Variants in PCDH9 observed in about 807,000 individuals in gnomAD.
The protein encoded by PCDH9 is protocadherin 9.
Under a neutral mutation model 70.6 loss-of-function variants are expected in PCDH9, and 24 were observed. The ratio of observed to expected loss-of-function variants is 0.34; its 90% CI spans 0.25 to 0.48. PCDH9 has a LOEUF of 0.48. PCDH9 is among the 20% of genes least tolerant of loss of function. The pLI, the probability that PCDH9 is intolerant of heterozygous loss-of-function variation, is 0.99. For synonymous variants in PCDH9, 562 were observed against 558.5 expected (o/e 1.01, Z -0.09); for missense variants, 1,281 against 1,503.6 (o/e 0.85, Z 2.45).
chr13:67,115,657 AATTG>A (rs1374897328), intron 2 of PCDH9, among the ~76,000 whole-genome samples: 3 of 152,186 alleles, frequency 2.0e-5, no homozygotes, highest in Non-Finnish European at 4.4e-5. Context: ...AGTGAAATGC[AATTG>A]ATTGATTATC....
chr13:66,542,160 A>T (rs1365907114), intron 4 of PCDH9, among the ~76,000 whole-genome samples: 1 of 152,104 alleles, frequency 6.6e-6, no homozygotes, highest in Non-Finnish European at 1.5e-5. Flanking sequence ...AAATGATATC[A>T]TTTCTATCTT....
chr13:66,511,140 C>A (rs1959450060), intron 4 of PCDH9, among the ~76,000 whole-genome samples: 1 of 152,116 alleles, frequency 6.6e-6, no homozygotes, highest in African/African-American at 2.4e-5. Context: ...TATATTAAAA[C>A]TGTCACATTA....
chr13:67,024,478 C>G (rs2084740376), intron 2 of PCDH9, among the ~76,000 whole-genome samples: 1 of 152,032 alleles, frequency 6.6e-6, no homozygotes, highest in African/African-American at 2.4e-5. Context: ...TGTATATAAA[C>G]TTATCACATA....
At chr13:67,062,719 T>G (rs2085563400) in intron 2 of PCDH9, among the ~76,000 whole-genome samples, 1 of 152,208 alleles carries the variant, frequency 6.6e-6, no homozygotes, top group Non-Finnish European at 1.5e-5. Context: ...AAAAGTATTC[T>G]GAAGTCAGAA....
chr13:67,088,829 A>G (rs2086160737), intron 2 of PCDH9, among the ~76,000 whole-genome samples: 2 of 152,012 alleles, frequency 1.3e-5, no homozygotes, highest in Non-Finnish European at 2.9e-5. Flanking sequence ...CTTTTATTTC[A>G]AAGAACACTA....
chr13:66,396,332 C>G (rs1456213347), intron 4 of PCDH9, among the ~76,000 whole-genome samples: 1 of 152,170 alleles, frequency 6.6e-6, no homozygotes, highest in African/African-American at 2.4e-5. Context: ...TGCTCAAAGA[C>G]AAGAACATAA....
chr13:66,685,755 T>C (rs973963243), intron 3 of PCDH9, among the ~76,000 whole-genome samples: 1 of 152,228 alleles, frequency 6.6e-6, no homozygotes, highest in African/African-American at 2.4e-5. Context: ...GCATGACCTG[T>C]ATGTGAGACA....
At chr13:66,797,959 G>GT (rs3042289) in intron 3 of PCDH9, among the ~76,000 whole-genome samples, 13,100 of 150,390 alleles carry the variant, frequency 0.087, 1,636 homozygotes, top group African/African-American at 0.28. Flanking sequence ...GTTTCTTGGG[G>GT]GGTGTGTGTG....
chr13:67,016,560 C>T (rs778990171), intron 2 of PCDH9, among the ~76,000 whole-genome samples: 18 of 152,122 alleles, frequency 1.2e-4, no homozygotes, highest in Non-Finnish European at 1.5e-4. Context: ...TACCTCAAGC[C>T]TTACAATCCT....
At position 66,569,133 on chromosome 13, in the gene PCDH9, T is replaced by C. The variant is rs193121354; in HGVS notation, c.3340+62077A>G. ...TATCTTGCCTCAGCCTCCCTAGTAG[T>C]TGGGACTGCAGGCATGTGCCACCAC... On this transcript the variant is annotated intron_variant, in intron 4 of 4. Transcript: ENST00000377865. 1.3e-3 allele frequency among the ~76,000 whole-genome samples: 190 copies of C among 151,048 alleles called. 1 individual carries two copies. The highest frequency in any genetic ancestry group is 3.7e-3 in the African/African-American group (152 of 41,216).
At position 66,305,391 on chromosome 13, in the gene PCDH9, A is replaced by G. The variant is rs113718972; in HGVS notation, c.3341-363T>C. 9.3e-3 allele frequency among the ~76,000 whole-genome samples: 1,414 copies of G among 152,128 alleles called. 23 individuals are homozygous for G. The highest frequency in any genetic ancestry group is 0.032 in the African/African-American group (1,326 of 41,540). ...AATTTATATTCTAAGAAATCCCAGA[A>G]AAAAACTCATATTTATGATAAATTA... On this transcript the variant is annotated intron_variant, in intron 4 of 4. Transcript: ENST00000377865.
intron 3 of PCDH9, among the ~76,000 whole-genome samples, chr13:66,685,326 C>T (rs2078385744): frequency 6.6e-6 from 1 of 152,248 alleles, no homozygotes; most frequent in South Asian, 2.1e-4. Context: ...AGGGTGCAAG[C>T]CCCAAGCCTT....
chr13:67,167,787 T>C (rs1220271046), intron 2 of PCDH9, among the ~76,000 whole-genome samples: 5 of 152,192 alleles, frequency 3.3e-5, no homozygotes, highest in African/African-American at 1.2e-4. Flanking sequence ...CTAATTATTG[T>C]CCTGTGATCA....
chr13:66,894,193 C>T (rs1187746846), intron 3 of PCDH9, among the ~76,000 whole-genome samples: 4 of 151,936 alleles, frequency 2.6e-5, no homozygotes, highest in Admixed American at 2.6e-4. Context: ...TAAAGAGAAG[C>T]TCGTTGCTTA....
chr13:66,557,414 C>T (rs959788661), intron 4 of PCDH9, among the ~76,000 whole-genome samples: 2 of 152,092 alleles, frequency 1.3e-5, no homozygotes, highest in Non-Finnish European at 2.9e-5. Context: ...TAAGCGTAGT[C>T]TATTTTACAA....
chr13:67,050,614 T>C (rs758514805), intron 2 of PCDH9, among the ~76,000 whole-genome samples: 1 of 152,216 alleles, frequency 6.6e-6, no homozygotes, highest in Non-Finnish European at 1.5e-5. Context: ...AAAGCACTTC[T>C]AAAATATGTT....
intron 4 of PCDH9, among the ~76,000 whole-genome samples, chr13:66,447,469 A>T (rs960964591): frequency 2.0e-5 from 3 of 152,246 alleles, no homozygotes; most frequent in African/African-American, 7.2e-5. Flanking sequence ...CTCCCAAGAA[A>T]TTTACTTGTG....
intron 4 of PCDH9, among the ~76,000 whole-genome samples, chr13:66,502,624 G>C (rs1029718198): frequency 7.1e-6 from 1 of 140,982 alleles, no homozygotes; most frequent in Non-Finnish European, 1.5e-5. Flanking sequence ...CGCTACTGAA[G>C]AATGTCTAGA....
chr13:67,218,938 CA>C (rs2089666445), intron 2 of PCDH9: 1 of 151,902 alleles, frequency 6.6e-6, no homozygotes, highest in South Asian at 2.1e-4. Flanking sequence ...TGTAAAAGAT[CA>C]AGGGAAAATA....
Sources: gnomAD v4.1 joint callset for allele counts (sites outside exome capture counted in the v4.1 genomes callset) on GRCh38, gnomAD v4.1.1 for gene constraint, MANE v1.5 for transcripts, NCBI Gene and HGNC (gene_info 2026-07-23, HGNC 2026-07-21) for gene names.